AGBL4: variants seen among roughly 807,000 people sequenced by gnomAD.
The protein encoded by AGBL4 is AGBL carboxypeptidase 4.
In AGBL4, 58 loss-of-function variants were observed where a neutral mutation model predicts 66.4. That is an observed-to-expected ratio of 0.87 (90% confidence interval 0.71 to 1.09). AGBL4 has a LOEUF of 1.09. Among genes scored for constraint, AGBL4 ranks in the 50% least tolerant of loss-of-function variants. The probability of loss-of-function intolerance (pLI) is 0.00; values close to 1 mark genes in which losing one functional copy is unlikely to be tolerated. For synonymous variants in AGBL4, 234 were observed against 222.9 expected (o/e 1.05, Z -0.44); for missense variants, 579 against 631.0 (o/e 0.92, Z 0.88).
At chr1:48,630,772 G>A (rs1183495119) in intron 9 of AGBL4, among the ~76,000 whole-genome samples, 1 of 152,178 alleles carries the variant, frequency 6.6e-6, no homozygotes, top group Admixed American at 6.5e-5. Flanking sequence ...TGCTCCCTGT[G>A]TCATAACAAC....
chr1:49,539,243 T>G (rs181604181), intron 3 of AGBL4, among the ~76,000 whole-genome samples: 7 of 152,318 alleles, frequency 4.6e-5, no homozygotes, highest in Non-Finnish European at 1.0e-4. Context: ...TATTAAAACA[T>G]TAACAATTAT....
At chr1:49,488,870 C>A (rs1463983054) in intron 3 of AGBL4, among the ~76,000 whole-genome samples, 1 of 151,882 alleles carries the variant, frequency 6.6e-6, no homozygotes, top group Non-Finnish European at 1.5e-5. Context: ...GGATCTCATT[C>A]TTTTTTATGG....
intron 3 of AGBL4, among the ~76,000 whole-genome samples, chr1:49,390,978 T>G (rs1320229571): frequency 6.6e-6 from 1 of 152,010 alleles, no homozygotes; most frequent in Non-Finnish European, 1.5e-5. Flanking sequence ...AGGGAAGAGT[T>G]CAAGAGGAGA....
intron 4 of AGBL4, among the ~76,000 whole-genome samples, chr1:49,057,711 T>A (rs1557603624): frequency 6.6e-6 from 1 of 152,154 alleles, no homozygotes; most frequent in Non-Finnish European, 1.5e-5. Context: ...CAAAGCATTA[T>A]CTCAATTTAT....
intron 1 of AGBL4, among the ~76,000 whole-genome samples, chr1:49,858,727 A>G (rs1646492666): frequency 6.6e-6 from 1 of 152,144 alleles, no homozygotes; most frequent in South Asian, 2.1e-4. Flanking sequence ...TTGAAAATGC[A>G]TGAAAAAGGC....
At chr1:49,670,244 C>T (rs1012777076) in intron 3 of AGBL4, among the ~76,000 whole-genome samples, 2 of 152,150 alleles carry the variant, frequency 1.3e-5, no homozygotes, top group African/African-American at 4.8e-5. Context: ...CACTCCCCAG[C>T]TCCACAGTTG....
chr1:49,361,812 A>T (rs981361670), intron 3 of AGBL4, among the ~76,000 whole-genome samples: 1 of 151,870 alleles, frequency 6.6e-6, no homozygotes, highest in Non-Finnish European at 1.5e-5. Context: ...GTGTTCCTTT[A>T]GCTGATTGTA....
intron 2 of AGBL4, among the ~76,000 whole-genome samples, chr1:49,816,473 T>A (rs1645234159): frequency 1.3e-5 from 2 of 152,154 alleles, no homozygotes; most frequent in African/African-American, 4.8e-5. Context: ...CATATCTAGA[T>A]TTTATCCAGC....
intron 3 of AGBL4, among the ~76,000 whole-genome samples, chr1:49,599,839 C>A (rs1274739808): frequency 6.6e-6 from 1 of 152,172 alleles, no homozygotes; most frequent in East Asian, 1.9e-4. Flanking sequence ...TTTCAAAGAA[C>A]TTACATATTC....
intron 5 of AGBL4, among the ~76,000 whole-genome samples, chr1:48,988,610 A>C (rs973154900): frequency 5.9e-5 from 9 of 152,144 alleles, no homozygotes; most frequent in African/African-American, 2.2e-4. Context: ...TTTGCTACCA[A>C]CCTGTTGGTC....
At chr1:48,858,310 T>C (rs972469968) in intron 6 of AGBL4, among the ~76,000 whole-genome samples, 1 of 152,232 alleles carries the variant, frequency 6.6e-6, no homozygotes, top group Non-Finnish European at 1.5e-5. Flanking sequence ...ACCATATGAC[T>C]AGCAATTCCA....
intron 6 of AGBL4, among the ~76,000 whole-genome samples, chr1:48,784,386 T>C (rs1645364184): frequency 1.3e-5 from 2 of 152,160 alleles, no homozygotes; most frequent in Admixed American, 1.3e-4. Context: ...CCAACAAGCA[T>C]CCTAGAATGA....
chr1:49,840,025 G>A (rs1001876992), intron 2 of AGBL4, among the ~76,000 whole-genome samples: 2 of 152,116 alleles, frequency 1.3e-5, no homozygotes, highest in South Asian at 4.1e-4. Context: ...CAAACAGGGA[G>A]ATACACACAA....
chr1:48,976,838 ATC>A, intron 5 of AGBL4, among the ~76,000 whole-genome samples: 1 of 152,068 alleles, frequency 6.6e-6, no homozygotes, highest in East Asian at 1.9e-4. Flanking sequence ...TCTAAGGACC[ATC>A]CCACCTAAAG....
chr1:49,910,329 G>C (rs2148209278), intron 1 of AGBL4, among the ~76,000 whole-genome samples: 1 of 152,298 alleles, frequency 6.6e-6, no homozygotes, highest in South Asian at 2.1e-4. Context: ...AGAAAATGAA[G>C]AATGAGAAAA....
chr1:49,980,194 CT>C (rs1287868871), intron 1 of AGBL4, among the ~76,000 whole-genome samples: 4 of 151,976 alleles, frequency 2.6e-5, no homozygotes, highest in Non-Finnish European at 5.9e-5. Context: ...CTGTCAGCGC[CT>C]CTAACCCATT....
intron 3 of AGBL4, among the ~76,000 whole-genome samples, chr1:49,679,613 T>C (rs1037744913): frequency 5.9e-5 from 9 of 152,172 alleles, no homozygotes; most frequent in African/African-American, 1.4e-4. Context: ...TTTAATTTTC[T>C]ATTTGTTCTC....
chr1:48,593,571 GAAACCCCATCTCTACTA>G (rs1311016810), intron 9 of AGBL4, among the ~76,000 whole-genome samples: 1 of 152,048 alleles, frequency 6.6e-6, no homozygotes, highest in Non-Finnish European at 1.5e-5. Context: ...CCAACACAGT[GAAACCCCATCTCTACTA>G]AAAATACAAA....
chr1:49,845,724 G>T (rs1646123897), intron 2 of AGBL4: 4 of 1,593,976 alleles, frequency 2.5e-6, no homozygotes, highest in Non-Finnish European at 3.4e-6. Context: ...AGCATCAGAG[G>T]ATTTACACGG....
Sources: gnomAD v4.1 joint callset for allele counts (sites outside exome capture counted in the v4.1 genomes callset) on GRCh38, gnomAD v4.1.1 for gene constraint, MANE v1.5 for transcripts, NCBI Gene and HGNC (gene_info 2026-07-23, HGNC 2026-07-21) for gene names.